MYH10: variants seen among roughly 807,000 people sequenced by gnomAD.
MYH10 encodes the protein myosin heavy chain 10.
Under a neutral mutation model 257.8 loss-of-function variants are expected in MYH10, and 55 were observed. The observed-to-expected ratio is 0.21, with a 90% CI of 0.17 to 0.27. MYH10 has a LOEUF of 0.27. Among genes scored for constraint, MYH10 ranks in the 10% least tolerant of loss-of-function variants. The pLI is 1.00. For missense variants in MYH10, 1,631 were observed against 2,500.6 expected, an observed-to-expected ratio of 0.65 and a Z score of 7.42; for synonymous variants, 854 against 921.7, an observed-to-expected ratio of 0.93 and a Z score of 1.33.
At position 8,623,184 on chromosome 17, in the gene MYH10, G is replaced by C. The variant is rs1230228219; in HGVS notation, c.63C>G (p.Ile21Met). ...AATCAGCTTGAGTGGCAGGGTTGTA[G>C]ATGACAGCCCTGTCCACAAAGAGAT... Reference protein sequence around the residue: ...ERYLFVDRAVIYNPATQADWT... With the variant: ...ERYLFVDRAVMYNPATQADWT... Residue 21 changes from isoleucine to methionine, a missense_variant, in exon 2 of 43, where the codon ATC (isoleucine) becomes ATG (methionine). By Grantham distance (10) the Ile-to-Met change is conservative. Around this residue, in one of 11 missense-constraint regions of MYH10, gnomAD observed 360 missense variants for 581.9 expected, o/e 0.62. Transcript: ENST00000360416. 1.9e-6 allele frequency: 3 copies of C among 1,613,318 alleles called. 1 individual carries two copies. In the South Asian group the frequency reaches 3.3e-5, roughly 18 times the overall value.
At chr17:8,524,924 A>G (rs138450812) in intron 17 of MYH10, among the ~76,000 whole-genome samples, 98 of 152,320 alleles carry the variant, frequency 6.4e-4, no homozygotes, top group African/African-American at 2.2e-3. Flanking sequence ...TTCTGGGGCA[A>G]GTGACCCAAT....
intron 2 of MYH10, among the ~76,000 whole-genome samples, chr17:8,613,324 GA>G (rs1286649096): frequency 1.3e-5 from 2 of 151,652 alleles, no homozygotes; most frequent in African/African-American, 2.4e-5. Context: ...AAAAGATGTG[GA>G]AAAAAAAGAG....
chr17:8,553,937 AT>A lies in MYH10; in HGVS notation c.820+17del. On this transcript the variant is annotated intron_variant, in intron 8 of 42. Transcript: ENST00000360416. Reference sequence around the variant, plus strand: ...AATCCTTCTTTATTTTGGATTATACATTTATGAAAAAGGATACATGTTTCAA... The same window carrying A: ...AATCCTTCTTTATTTTGGATTATACATTATGAAAAAGGATACATGTTTCAA... 1 of 1,601,284 alleles carries A rather than the reference AT, an allele frequency of 6.2e-7. No homozygotes were observed. The highest frequency in any genetic ancestry group is 8.6e-7 in the Non-Finnish European group (1 of 1,168,948).
chr17:8,501,117 G>A, intron 28 of MYH10, 147 bp from the exon 29 acceptor site: 2 of 876,974 alleles, frequency 2.3e-6, no homozygotes, highest in Non-Finnish European at 3.4e-6. Flanking sequence ...TAGGCTGGCA[G>A]GTCTATTACT....
chr17:8,570,802 T>C (rs1168045740), intron 6 of MYH10, among the ~76,000 whole-genome samples: 5 of 152,154 alleles, frequency 3.3e-5, no homozygotes, highest in Non-Finnish European at 7.4e-5. Context: ...TCCATCACCA[T>C]CAAATTCAAA....
At position 8,504,958 on chromosome 17, in the gene MYH10, C is replaced by T. The variant is rs780160274; in HGVS notation, c.3387-52G>A. The T allele has an allele frequency of 1.3e-6, 2 of 1,524,068 alleles. No homozygotes were observed. Among genetic ancestry groups the T allele is most frequent in the South Asian group, 2.3e-5 (2 of 88,178 alleles). 94.4% of individuals were successfully genotyped at this position (1,524,068 alleles called of 1,614,324 possible). A position where few individuals can be genotyped will look rare whatever the true frequency, so the allele number is the denominator to read the frequency against. ...CACTCAGAGATGGCACCCGGATGGC[C>T]TGTTTCTCAGGCGAGCCCCAGCCCC... On this transcript the variant is annotated intron_variant, in intron 27 of 42. Coordinates refer to ENST00000360416, the MANE Select transcript of MYH10 (RefSeq NM_001256012.3). The surrounding 1 kb of genome is among the most constrained non-coding windows in gnomAD (Gnocchi z 5.6).
At chr17:8,597,312 GAAAGA>G (rs1001591010) in intron 3 of MYH10, among the ~76,000 whole-genome samples, 2 of 150,756 alleles carry the variant, frequency 1.3e-5, no homozygotes, top group African/African-American at 4.9e-5. Context: ...AGACAAGAAA[GAAAGA>G]AAAGAAAGGA....
rs1199344555 is a variant in MYH10, at chr17:8,492,282, C to T, written c.4671+15G>A. ...CTCTCCCGTGCGGAAGTGTGGAGCCCACCAGGCGACTTACGTTTTTTCCCA... is the reference window on the plus strand; with the variant it reads ...CTCTCCCGTGCGGAAGTGTGGAGCCTACCAGGCGACTTACGTTTTTTCCCA... On this transcript the variant is annotated intron_variant, in intron 34 of 42. Coordinates refer to ENST00000360416, the MANE Select transcript of MYH10 (RefSeq NM_001256012.3). 2 of 1,609,098 alleles carry T rather than the reference C, an allele frequency of 1.2e-6. No individual in the cohort carries two copies. Among genetic ancestry groups the T allele is most frequent in the African/African-American group, 2.7e-5 (2 of 74,930 alleles).
intron 3 of MYH10, among the ~76,000 whole-genome samples, chr17:8,597,867 C>T (rs918228274): frequency 1.3e-5 from 2 of 152,088 alleles, no homozygotes; most frequent in Non-Finnish European, 2.9e-5. Flanking sequence ...ATCCACCCGC[C>T]CCAGCCTCCC....
At position 8,523,308 on chromosome 17, in the gene MYH10, C is replaced by T. The variant is rs193164999; in HGVS notation, c.1958-2023G>A. 1.1e-4 allele frequency among the ~76,000 whole-genome samples: 17 copies of T among 152,362 alleles called. No homozygotes were observed. The South Asian group carries it at 1.7e-3, about 15-fold the overall frequency. On this transcript the variant is annotated intron_variant, in intron 17 of 42. Transcript: ENST00000360416. The stretch of plus-strand genomic sequence containing the variant: ...TGCATCCCTGCTCCCTGCATGATGT[C>T]TGGCACCAACATACTTCATATATAC...
At chr17:8,539,417 A>G (rs1392290671) in intron 14 of MYH10, among the ~76,000 whole-genome samples, 1 of 151,998 alleles carries the variant, frequency 6.6e-6, no homozygotes, top group Non-Finnish European at 1.5e-5. Context: ...TTCCGAATTC[A>G]CAGAGCATCA....
At position 8,504,070 on chromosome 17, in the gene MYH10, G is replaced by A. The variant is rs1032689204; in HGVS notation, c.3599+624C>T. Reference sequence around the variant, plus strand: ...CACTGCTAAGGCTCTCCTGCGACTCGTGGGCTGCCACACTGCAGCTTTCTA... The same window carrying A: ...CACTGCTAAGGCTCTCCTGCGACTCATGGGCTGCCACACTGCAGCTTTCTA... On this transcript the variant is annotated intron_variant, in intron 28 of 42. Coordinates refer to ENST00000360416, the MANE Select transcript of MYH10 (RefSeq NM_001256012.3). The surrounding 1 kb of genome is among the most constrained non-coding windows in gnomAD (Gnocchi z 5.6). Among the ~76,000 whole-genome samples, 5 of 152,280 alleles carry A rather than the reference G, an allele frequency of 3.3e-5. No homozygotes were observed. Among genetic ancestry groups the A allele is most frequent in the Admixed American group, 2.0e-4 (3 of 15,300 alleles).
chr17:8,600,463 C>T (rs1790535511), intron 3 of MYH10, among the ~76,000 whole-genome samples: 1 of 152,172 alleles, frequency 6.6e-6, no homozygotes, highest in Non-Finnish European at 1.5e-5. Context: ...ACTACTGAAA[C>T]ATTATCTGAA....
intron 4 of MYH10, among the ~76,000 whole-genome samples, chr17:8,588,286 C>A (rs1724693243): frequency 6.6e-6 from 1 of 152,170 alleles, no homozygotes. Context: ...TCTCACTCTC[C>A]TGAGCTCCAA....
At chr17:8,483,305 G>A (rs1914176361) in intron 37 of MYH10, among the ~76,000 whole-genome samples, 1 of 151,842 alleles carries the variant, frequency 6.6e-6, no homozygotes, top group Admixed American at 6.6e-5. Flanking sequence ...CAAGAAGTCA[G>A]AAAAAAAAGG....
chr17:8,506,293 G>A lies in MYH10; in HGVS notation c.3386+25C>T. 6.4e-7 allele frequency: 1 copy of A among 1,558,780 alleles called. No individual in the cohort carries two copies. The highest frequency in any genetic ancestry group is 8.6e-7 in the Non-Finnish European group (1 of 1,161,556). ...GAAACTCAGCCCCATGGGCTCCCGT[G>A]CAGCGCAGCTGCTGGGCTGCAGACC... On this transcript the variant is annotated intron_variant, in intron 27 of 42. Transcript: ENST00000360416. The surrounding 1 kb of genome is among the most constrained non-coding windows in gnomAD (Gnocchi z 5.0).
chr17:8,590,637 C>G (rs939619356), intron 3 of MYH10, among the ~76,000 whole-genome samples: 4 of 152,094 alleles, frequency 2.6e-5, no homozygotes, highest in Non-Finnish European at 4.4e-5. Flanking sequence ...TAGCTCATAA[C>G]CTGGTGTTAT....
chr17:8,480,647 T>C (rs1157981127), intron 38 of MYH10, 122 bp from the exon 39 acceptor site: 2 of 1,346,102 alleles, frequency 1.5e-6, no homozygotes, highest in African/African-American at 2.9e-5. Flanking sequence ...AATTTTCTCT[T>C]TCCCCTGCAC....
chr17:8,556,690 G>T (rs1024730330), intron 7 of MYH10, among the ~76,000 whole-genome samples: 4 of 152,146 alleles, frequency 2.6e-5, no homozygotes, highest in African/African-American at 9.7e-5. Flanking sequence ...CTAGAGCATG[G>T]TGCTCACTAC....
Sources: gnomAD v4.1 joint callset for allele counts (sites outside exome capture counted in the v4.1 genomes callset) on GRCh38, gnomAD v4.1.1 for gene constraint, gnomAD v4.1.1 regional missense constraint, Gnocchi (gnomAD v3.1) non-coding constraint, MANE v1.5 for transcripts, NCBI Gene and HGNC (gene_info 2026-07-23, HGNC 2026-07-21) for gene names.